Variants in ABTB3 observed in about 807,000 individuals in gnomAD.
The protein encoded by ABTB3 is ankyrin repeat and BTB domain containing 3, also known as ankyrin repeat- and BTB/POZ domain-containing protein 3.
At chr12:107,479,929 C>T in the ABTB3 span, among the ~76,000 whole-genome samples, 1 of 152,128 alleles carries the variant, frequency 6.6e-6, no homozygotes, top group Non-Finnish European at 1.5e-5. Flanking sequence ...GGACTTGGTC[C>T]AGGATAGCCA....
At chr12:107,607,658 T>G in the ABTB3 span, among the ~76,000 whole-genome samples, 5 of 152,270 alleles carry the variant, frequency 3.3e-5, no homozygotes, top group South Asian at 8.3e-4. Flanking sequence ...GGCTTCTGGC[T>G]CCAGTCCTTG....
At chr12:107,540,111 T>G in the ABTB3 span, among the ~76,000 whole-genome samples, 9 of 152,298 alleles carry the variant, frequency 5.9e-5, no homozygotes, top group African/African-American at 2.2e-4. Flanking sequence ...ACAAAACTCC[T>G]GAGACTGGAG....
At chr12:107,383,506 A>G in the ABTB3 span, among the ~76,000 whole-genome samples, 1 of 152,216 alleles carries the variant, frequency 6.6e-6, no homozygotes, top group Admixed American at 6.5e-5. Context: ...AACCATAGCA[A>G]CTACCTTACA....
the ABTB3 span, among the ~76,000 whole-genome samples, chr12:107,416,423 G>A: frequency 6.6e-6 from 1 of 152,150 alleles, no homozygotes; most frequent in African/African-American, 2.4e-5. Flanking sequence ...TTATGCTGAG[G>A]GGGTGGGGGG....
the ABTB3 span, among the ~76,000 whole-genome samples, chr12:107,526,755 G>C: frequency 6.6e-6 from 1 of 152,126 alleles, no homozygotes; most frequent in Non-Finnish European, 1.5e-5. Context: ...ATTTACAACT[G>C]TATAAAAAGG....
chr12:107,594,989 C>T, the ABTB3 span, among the ~76,000 whole-genome samples: 1 of 152,008 alleles, frequency 6.6e-6, no homozygotes, highest in Non-Finnish European at 1.5e-5. Flanking sequence ...CTCACCTCTA[C>T]CTACTAGATA....
chr12:107,501,345 A>G, the ABTB3 span, among the ~76,000 whole-genome samples: 1 of 151,802 alleles, frequency 6.6e-6, no homozygotes, highest in Non-Finnish European at 1.5e-5. Flanking sequence ...AGGAAGTGGC[A>G]TTCAAGTTGT....
the ABTB3 span, among the ~76,000 whole-genome samples, chr12:107,399,355 C>T: frequency 3.3e-5 from 5 of 152,142 alleles, no homozygotes; most frequent in African/African-American, 9.7e-5. Flanking sequence ...AACAGGATCT[C>T]GAGAAGCTCC....
the ABTB3 span, chr12:107,320,572 G>A: frequency 8.8e-6 from 4 of 456,016 alleles, no homozygotes; most frequent in African/African-American, 8.0e-5. Context: ...ACGGGGGAAG[G>A]AGGGGCCTGG....
At chr12:107,405,634 C>T in the ABTB3 span, among the ~76,000 whole-genome samples, 3,418 of 152,330 alleles carry the variant, frequency 0.022, 53 homozygotes, top group Non-Finnish European at 0.034. Context: ...GGGCTGGAGC[C>T]CTGGCAGCAG....
chr12:107,638,991 G>A, the ABTB3 span, among the ~76,000 whole-genome samples: 15 of 152,314 alleles, frequency 9.8e-5, no homozygotes, highest in South Asian at 3.1e-3. Context: ...CATATGCTGT[G>A]GGAACTCAGC....
At chr12:107,441,535 T>C in the ABTB3 span, among the ~76,000 whole-genome samples, 12 of 152,060 alleles carry the variant, frequency 7.9e-5, no homozygotes, top group African/African-American at 2.7e-4. Context: ...GGTGATGGGT[T>C]GATAGGTGTA....
chr12:107,416,727 C>A, the ABTB3 span, among the ~76,000 whole-genome samples: 2 of 152,192 alleles, frequency 1.3e-5, no homozygotes, highest in African/African-American at 4.8e-5. Context: ...GTGGCACAAT[C>A]AAGTGGTCCT....
the ABTB3 span, among the ~76,000 whole-genome samples, chr12:107,452,908 G>A: frequency 6.6e-6 from 1 of 152,266 alleles, no homozygotes; most frequent in Admixed American, 6.5e-5. Flanking sequence ...ACAATTACAA[G>A]TTGTAACAAG....
the ABTB3 span, among the ~76,000 whole-genome samples, chr12:107,471,737 A>G: frequency 6.6e-6 from 1 of 152,070 alleles, no homozygotes. Context: ...ATGAAACAGG[A>G]GGAAGAACAC....
At chr12:107,493,844 A>G in the ABTB3 span, among the ~76,000 whole-genome samples, 1 of 152,172 alleles carries the variant, frequency 6.6e-6, no homozygotes, top group African/African-American at 2.4e-5. Context: ...ATTGCCAGCA[A>G]AACCCTAGGA....
chr12:107,638,186 T>A, the ABTB3 span, among the ~76,000 whole-genome samples: 55 of 152,188 alleles, frequency 3.6e-4, no homozygotes, highest in African/African-American at 7.7e-4. Context: ...AGCCTTTTTT[T>A]AAAAAATGAG....
At chr12:107,453,116 C>T in the ABTB3 span, among the ~76,000 whole-genome samples, 14 of 152,168 alleles carry the variant, frequency 9.2e-5, no homozygotes, top group Admixed American at 6.5e-5. Flanking sequence ...CAGGCAGGAA[C>T]GAGCTTACGG....
At chr12:107,570,531 T>A in the ABTB3 span, among the ~76,000 whole-genome samples, 3 of 152,066 alleles carry the variant, frequency 2.0e-5, no homozygotes, top group African/African-American at 4.8e-5. Context: ...TTTAACTTTC[T>A]ATACAAAGGG....
Sources: allele counts gnomAD v4.1 joint callset (sites outside exome capture counted in the v4.1 genomes callset), GRCh38; gene constraint gnomAD v4.1.1; transcripts MANE v1.5; gene names NCBI Gene and HGNC (gene_info 2026-07-23, HGNC 2026-07-21).